Variants in SH3PXD2A observed in about 807,000 individuals in gnomAD.
SH3PXD2A encodes SH3 and PX domains 2A.
A neutral mutation model predicts 115.2 loss-of-function variants in SH3PXD2A; 32 were observed. The ratio of observed to expected loss-of-function variants is 0.28; its 90% confidence interval spans 0.21 to 0.37. The LOEUF is 0.37. SH3PXD2A is among the 10% of genes least tolerant of loss of function. The pLI is 1.00. For missense variants in SH3PXD2A, 1,328 were observed against 1,498.7 expected (o/e 0.89, Z 1.88); for synonymous variants, 610 against 629.1 (o/e 0.97, Z 0.45).
In SH3PXD2A at chr10:103,627,684, C is replaced by G. The variant is rs115440031; in HGVS notation, c.605-482G>C. 6.6e-6 allele frequency among the ~76,000 whole-genome samples: 1 copy of G among 152,210 alleles called. No homozygotes were observed. Among genetic ancestry groups the G allele is most frequent in the Non-Finnish European group, 1.5e-5 (1 of 68,040 alleles). ...CCCCATCGCGGGTCAGCGGTACCTT[C>G]GCATTGGTGCCACTCACAGCTGCCC... On this transcript the variant is annotated intron_variant, in intron 8 of 14. Coordinates refer to ENST00000369774, the MANE Select transcript of SH3PXD2A (RefSeq NM_001394015.1). This position sits in a 1 kb window ranked among gnomAD's most constrained non-coding sequence, Gnocchi z 4.4.
chr10:103,619,626 C>T (rs762311294), intron 10 of SH3PXD2A, among the ~76,000 whole-genome samples: 54 of 152,272 alleles, frequency 3.5e-4, no homozygotes, highest in Non-Finnish European at 6.0e-4. Context: ...CCCCAGCCTT[C>T]GCAGCCTCCC....
chr10:103,767,810 G>GTTTTGTTTTT (rs1490820010), intron 2 of SH3PXD2A, among the ~76,000 whole-genome samples: 2 of 67,738 alleles, frequency 3.0e-5, no homozygotes, highest in African/African-American at 5.6e-5. Flanking sequence ...CAACTGTTTT[G>GTTTTGTTTTT]TTTTTTTTTT....
intron 6 of SH3PXD2A, among the ~76,000 whole-genome samples, chr10:103,675,482 G>T (rs1026599767): frequency 1.3e-5 from 2 of 151,902 alleles, no homozygotes; most frequent in African/African-American, 2.4e-5. Flanking sequence ...TTTGTCTCCA[G>T]GTCCCCTCTC....
At chr10:103,614,071 C>A in intron 11 of SH3PXD2A, among the ~76,000 whole-genome samples, 1 of 147,236 alleles carries the variant, frequency 6.8e-6, no homozygotes. Flanking sequence ...AGCAAGATCT[C>A]ATCTCTACCA....
chr10:103,726,884 A>C (rs1025929628), intron 4 of SH3PXD2A, among the ~76,000 whole-genome samples: 3 of 152,164 alleles, frequency 2.0e-5, no homozygotes, highest in African/African-American at 7.2e-5. Context: ...GCATGATGTA[A>C]CCCTCAGTCA....
At chr10:103,810,411 A>C (rs2039254611) in intron 1 of SH3PXD2A, among the ~76,000 whole-genome samples, 1 of 152,228 alleles carries the variant, frequency 6.6e-6, no homozygotes. Flanking sequence ...GGACAGTGCA[A>C]GATGAGTAAT....
At chr10:103,623,275 T>C (rs7898850) in intron 9 of SH3PXD2A, among the ~76,000 whole-genome samples, 100,357 of 147,646 alleles carry the variant, frequency 0.68, 33,658 homozygotes, top group East Asian at 0.93. Flanking sequence ...AGGGGCCCCC[T>C]CCCCAGCTTC....
Position 103,769,212 on chromosome 10 carries a change from C to T in SH3PXD2A, c.154-2043G>A, listed in dbSNP as rs568143194. Among the ~76,000 whole-genome samples the T allele has an allele frequency of 2.6e-5, 4 of 151,264 alleles. No homozygotes were observed. In the South Asian group the frequency reaches 8.4e-4, roughly 32 times the overall value. On this transcript the variant is annotated intron_variant, in intron 2 of 14. Coordinates refer to ENST00000369774, the MANE Select transcript of SH3PXD2A (RefSeq NM_001394015.1). ...CGCGCGCGCATTTATTTCCATCCATCCATCCGTTTGTCCACCCATCCAGCT... is the reference window on the plus strand; with the variant it reads ...CGCGCGCGCATTTATTTCCATCCATTCATCCGTTTGTCCACCCATCCAGCT...
chr10:103,796,530 T>C (rs1029033988), intron 2 of SH3PXD2A, among the ~76,000 whole-genome samples: 19 of 152,316 alleles, frequency 1.2e-4, no homozygotes, highest in African/African-American at 4.3e-4. Flanking sequence ...TGGACTTAAC[T>C]GTTTCCAAGT....
intron 8 of SH3PXD2A, among the ~76,000 whole-genome samples, chr10:103,655,026 C>G (rs1394184244): frequency 6.6e-6 from 1 of 152,186 alleles, no homozygotes; most frequent in African/African-American, 2.4e-5. Context: ...AGGCCCTTTC[C>G]CCTCCAGCCA....
Position 103,603,653 on chromosome 10 carries a change from A to G in SH3PXD2A, c.1565T>C (p.Val522Ala), listed in dbSNP as rs2036255378. 2 of 1,604,268 alleles carry G rather than the reference A, an allele frequency of 1.2e-6. No homozygotes were observed. Among genetic ancestry groups the G allele is most frequent in the Non-Finnish European group, 1.7e-6 (2 of 1,175,446 alleles). Residue 522 changes from valine (V) to alanine (A), a missense_variant, in exon 15 of 15, where the codon GTG (valine) becomes GCG (alanine). Coordinates refer to ENST00000369774, the MANE Select transcript of SH3PXD2A (RefSeq NM_001394015.1). ...RRTSTLTRPK[V>A]PPPAPPSKPK... is the part of the protein sequence containing the mutation. ...CTTGCTGGGGGGTGCTGGCGGGGGC[A>G]CCTTGGGCCGGGTCAGCGTGCTTGT...
chr10:103,789,080 C>T (rs1214799174), intron 2 of SH3PXD2A, among the ~76,000 whole-genome samples: 1 of 152,110 alleles, frequency 6.6e-6, no homozygotes, highest in Non-Finnish European at 1.5e-5. Context: ...GAAAAGCCCA[C>T]AGCTCAGGCT....
chr10:103,734,953 G>A lies in SH3PXD2A; in HGVS notation c.306+779C>T, dbSNP rs180797179. Among the ~76,000 whole-genome samples, 4 of 152,324 alleles carry A rather than the reference G, an allele frequency of 2.6e-5. No homozygotes were observed. The East Asian group carries it at 7.7e-4, about 29-fold the overall frequency. On this transcript the variant is annotated intron_variant, in intron 4 of 14. Transcript: ENST00000369774. ...ACCACCGTGTGGAGGCACCCTGTGTGTTCTCCTCCCTATTGGACGGATGTG... is the reference window on the plus strand; with the variant it reads ...ACCACCGTGTGGAGGCACCCTGTGTATTCTCCTCCCTATTGGACGGATGTG...
At chr10:103,817,342 G>T (rs567827537) in intron 1 of SH3PXD2A, among the ~76,000 whole-genome samples, 1 of 151,886 alleles carries the variant, frequency 6.6e-6, no homozygotes, top group South Asian at 2.1e-4. Context: ...AGTGTCTGTT[G>T]TTTCTATCTT....
chr10:103,608,150 T>TAAAAAAAAAAAAAAAAAAGTTTACAAAAA (rs1554903068), intron 13 of SH3PXD2A, among the ~76,000 whole-genome samples: 2 of 32,668 alleles, frequency 6.1e-5, no homozygotes, highest in Non-Finnish European at 4.5e-5. Context: ...ATGATCAATT[T>TAAAAAAAAAAAAAAAAAAGTTTACAAAAA]AAAAAAAAAA....
At chr10:103,610,641 G>T (rs1292217908) in intron 13 of SH3PXD2A, among the ~76,000 whole-genome samples, 1 of 152,174 alleles carries the variant, frequency 6.6e-6, no homozygotes, top group Non-Finnish European at 1.5e-5. Flanking sequence ...GCTAAGCCCA[G>T]ATGTGACTTC....
At chr10:103,790,591 G>C (rs1309936898) in intron 2 of SH3PXD2A, among the ~76,000 whole-genome samples, 1 of 152,126 alleles carries the variant, frequency 6.6e-6, no homozygotes, top group Non-Finnish European at 1.5e-5. Flanking sequence ...TCATTTCCTT[G>C]TCTGTCAAAT....
chr10:103,755,660 A>G (rs2038632334), intron 3 of SH3PXD2A, among the ~76,000 whole-genome samples: 1 of 152,140 alleles, frequency 6.6e-6, no homozygotes, highest in Non-Finnish European at 1.5e-5. Flanking sequence ...AAAATAGCAG[A>G]GTTTTGGTTC....
chr10:103,827,785 T>C (rs2039445281), intron 1 of SH3PXD2A, among the ~76,000 whole-genome samples: 1 of 152,188 alleles, frequency 6.6e-6, no homozygotes, highest in South Asian at 2.1e-4. Flanking sequence ...AGTCCTCAGA[T>C]AGAGCAGTAC....
Sources: allele counts gnomAD v4.1 joint callset (sites outside exome capture counted in the v4.1 genomes callset), GRCh38; gene constraint gnomAD v4.1.1; non-coding constraint Gnocchi (gnomAD v3.1); transcripts MANE v1.5; gene names NCBI Gene and HGNC (gene_info 2026-07-23, HGNC 2026-07-21).